Variants in HDAC9 observed in about 807,000 individuals in gnomAD.
HDAC9 encodes the protein histone deacetylase 9.
In HDAC9, 41 loss-of-function variants were observed where a neutral mutation model predicts 139.4. That is an observed-to-expected ratio of 0.29 (90% CI 0.23 to 0.38). The LOEUF (loss-of-function observed/expected upper bound fraction) is 0.38. Ranked by LOEUF, HDAC9 falls within the 10% of genes least tolerant of loss-of-function variation. The pLI is 1.00. For missense variants in HDAC9, 1,147 were observed against 1,297.0 expected (o/e 0.88, Z 1.78); for synonymous variants, 517 against 476.2 (o/e 1.09, Z -1.12).
chr7:18,933,960 A>C (rs1781438893), intron 22 of HDAC9, among the ~76,000 whole-genome samples: 1 of 152,102 alleles, frequency 6.6e-6, no homozygotes, highest in South Asian at 2.1e-4. Flanking sequence ...TGATTCAAAA[A>C]TATACGTAAT....
chr7:18,626,256 C>T (rs1161165977), intron 6 of HDAC9, among the ~76,000 whole-genome samples: 1 of 152,206 alleles, frequency 6.6e-6, no homozygotes, highest in East Asian at 1.9e-4. Context: ...GCCAGTTATG[C>T]AGCACTGTGA....
chr7:18,138,153 C>T (rs918096570), intron 1 of HDAC9, among the ~76,000 whole-genome samples: 2 of 152,062 alleles, frequency 1.3e-5, no homozygotes, highest in African/African-American at 4.8e-5. Context: ...GTGATGATAT[C>T]CCCTTTATCA....
chr7:18,822,931 A>G (rs1795098764), intron 17 of HDAC9, among the ~76,000 whole-genome samples: 2 of 152,176 alleles, frequency 1.3e-5, no homozygotes, highest in Admixed American at 1.3e-4. Context: ...GTATTTTGTT[A>G]TTTTTGTATT....
At chr7:18,150,468 T>C (rs1264305365) in intron 1 of HDAC9, among the ~76,000 whole-genome samples, 1 of 152,214 alleles carries the variant, frequency 6.6e-6, no homozygotes, top group Non-Finnish European at 1.5e-5. Context: ...CAATATTATC[T>C]TCGTTGGCTA....
At chr7:18,458,040 A>G (rs1477654762) in intron 1 of HDAC9, among the ~76,000 whole-genome samples, 1 of 152,190 alleles carries the variant, frequency 6.6e-6, no homozygotes, top group Non-Finnish European at 1.5e-5. Flanking sequence ...AAAAACGTTA[A>G]GGCTGAATCA....
intron 2 of HDAC9, among the ~76,000 whole-genome samples, chr7:18,511,831 A>C (rs1214249502): frequency 6.6e-6 from 1 of 152,104 alleles, no homozygotes; most frequent in Non-Finnish European, 1.5e-5. Context: ...TGCCAATCTT[A>C]AAGATGAAAA....
At chr7:18,947,429 A>G (rs7807037) in intron 23 of HDAC9, among the ~76,000 whole-genome samples, 73,512 of 151,658 alleles carry the variant, frequency 0.48, 18,152 homozygotes, top group African/African-American at 0.53. Flanking sequence ...TACAGATTTT[A>G]ATGTTATTAA....
chr7:18,858,303 G>T (rs941128810), intron 21 of HDAC9, among the ~76,000 whole-genome samples: 2 of 152,146 alleles, frequency 1.3e-5, no homozygotes, highest in Admixed American at 6.5e-5. Context: ...ATTGACTCAC[G>T]TGGCTGCATG....
At chr7:18,848,319 G>A (rs1797043386) in intron 21 of HDAC9, among the ~76,000 whole-genome samples, 1 of 152,114 alleles carries the variant, frequency 6.6e-6, no homozygotes, top group Non-Finnish European at 1.5e-5. Flanking sequence ...ATTAGGCACT[G>A]TTATTGTCTA....
intron 12 of HDAC9, among the ~76,000 whole-genome samples, chr7:18,701,820 G>A (rs984744986): frequency 1.4e-4 from 22 of 152,188 alleles, no homozygotes; most frequent in Non-Finnish European, 3.2e-4. Context: ...AATTCACCTG[G>A]AGAGAGTGTA....
chr7:18,425,105 C>T (rs920740452), intron 1 of HDAC9, among the ~76,000 whole-genome samples: 1 of 151,818 alleles, frequency 6.6e-6, no homozygotes, highest in Non-Finnish European at 1.5e-5. Flanking sequence ...CAATTTTTTT[C>T]TTGTCATAAA....
intron 2 of HDAC9, among the ~76,000 whole-genome samples, chr7:18,536,356 C>T (rs1271853330): frequency 1.3e-5 from 2 of 152,140 alleles, no homozygotes; most frequent in Non-Finnish European, 2.9e-5. Flanking sequence ...AATCAGCTCC[C>T]ACCTAAACCA....
intron 16 of HDAC9, among the ~76,000 whole-genome samples, chr7:18,785,337 A>T (rs1364662626): frequency 2.0e-5 from 3 of 152,078 alleles, no homozygotes; most frequent in African/African-American, 2.4e-5. Context: ...CCAAAAAAAA[A>T]AACCATGCAT....
At chr7:18,847,868 G>A (rs1022616506) in intron 21 of HDAC9, among the ~76,000 whole-genome samples, 3 of 152,136 alleles carry the variant, frequency 2.0e-5, no homozygotes, top group Non-Finnish European at 4.4e-5. Flanking sequence ...CAAGGGACAC[G>A]GAGTCCAGTC....
At chr7:18,660,291 A>C (rs1243088409) in intron 11 of HDAC9, among the ~76,000 whole-genome samples, 1 of 151,892 alleles carries the variant, frequency 6.6e-6, no homozygotes, top group Non-Finnish European at 1.5e-5. Flanking sequence ...TTCTGCATTT[A>C]TATTTTGCAA....
intron 2 of HDAC9, among the ~76,000 whole-genome samples, chr7:18,232,169 G>A (rs1352246303): frequency 1.3e-5 from 2 of 152,052 alleles, no homozygotes. Context: ...CCCTAGCTGG[G>A]GTCGTCTCCC....
chr7:18,900,465 C>A (rs969107423), intron 22 of HDAC9, among the ~76,000 whole-genome samples: 11 of 152,114 alleles, frequency 7.2e-5, no homozygotes, highest in African/African-American at 2.2e-4. Flanking sequence ...CCCTGTCTGT[C>A]CCCTCTAGGC....
chr7:18,944,591 C>T (rs911323983), intron 23 of HDAC9, among the ~76,000 whole-genome samples: 2 of 151,986 alleles, frequency 1.3e-5, no homozygotes, highest in African/African-American at 4.8e-5. Context: ...CAGAAAACTG[C>T]AAAACACAAA....
At chr7:18,824,884 A>AAT (rs200336674) in intron 17 of HDAC9, among the ~76,000 whole-genome samples, 439 of 152,354 alleles carry the variant, frequency 2.9e-3, no homozygotes, top group African/African-American at 1.0e-2. Flanking sequence ...GAATGCATTC[A>AAT]GATATAACTG....
Sources: gnomAD v4.1 joint callset for allele counts (sites outside exome capture counted in the v4.1 genomes callset) on GRCh38, gnomAD v4.1.1 for gene constraint, MANE v1.5 for transcripts, NCBI Gene and HGNC (gene_info 2026-07-23, HGNC 2026-07-21) for gene names.